The following C17orf113 variants were observed in gnomAD, a reference collection of about 807,000 sequenced individuals.
C17orf113 encodes the protein uncharacterized protein C17orf113.
In C17orf113, 5 loss-of-function variants were observed where a neutral mutation model predicts 11.6. The ratio of observed to expected loss-of-function variants is 0.43; its 90% CI spans 0.23 to 0.91. The LOEUF is 0.91. Among genes scored for constraint, C17orf113 ranks in the 40% least tolerant of loss-of-function variants. The pLI, the probability that C17orf113 is intolerant of heterozygous loss-of-function variation, is 0.26. For missense variants in C17orf113, 714 were observed against 841.3 expected, an observed-to-expected ratio of 0.85 and a Z score of 1.87; for synonymous variants, 327 against 390.6, an observed-to-expected ratio of 0.84 and a Z score of 1.92.
intron 1 of C17orf113, among the ~76,000 whole-genome samples, chr17:42,046,416 G>A (rs2053161959): frequency 1.3e-5 from 2 of 151,610 alleles, no homozygotes; most frequent in Non-Finnish European, 2.9e-5. Context: ...AACATAAGGA[G>A]ACCTTGTCTT....
Position 42,039,453 on chromosome 17 carries a change from G to A in C17orf113, c.*252C>T. The A allele has an allele frequency of 2.7e-6, 1 of 374,588 alleles. No homozygotes were observed. The highest frequency in any genetic ancestry group is 4.7e-6 in the Non-Finnish European group (1 of 211,386). 23.2% of individuals were successfully genotyped at this position (374,588 alleles called of 1,614,324 possible). Reference sequence around the variant, plus strand: ...CCTCATCTAACTGTGTAAAGGCCAGGAATGATTTAGGGTACCCCAGATCCT... The same window carrying A: ...CCTCATCTAACTGTGTAAAGGCCAGAAATGATTTAGGGTACCCCAGATCCT... On this transcript the variant is annotated 3_prime_UTR_variant, in exon 3 of 3. Coordinates refer to ENST00000587304, the MANE Select transcript of C17orf113 (RefSeq NM_001358661.2).
At position 42,040,079 on chromosome 17, in the gene C17orf113, C is replaced by G; in HGVS notation, c.1654G>C (p.Val552Leu). 8.1e-7 allele frequency: 1 copy of G among 1,231,276 alleles called. No individual in the cohort carries two copies. The highest frequency in any genetic ancestry group is 1.0e-6 in the Non-Finnish European group (1 of 987,624). The allele number at this position is 1,231,276 out of a possible 1,614,324, so 76.3% of individuals were successfully genotyped here. A position where few individuals can be genotyped will look rare whatever the true frequency, so the allele number is the denominator to read the frequency against. ...RVLLRGFAPA[V>L]VRQRALGDFA... is the part of the protein sequence containing the mutation. ...TCGCCCAGCGCCCGCTGGCGCACCA[C>G]GGCAGGAGCAAAGCCGCGCAGCAGC... The change falls in exon 3 of 3, where the codon GTG becomes CTG. Residue 552 changes from valine to leucine, a missense_variant. Transcript: ENST00000587304.
intron 1 of C17orf113, among the ~76,000 whole-genome samples, chr17:42,044,202 T>TG (rs1179282060): frequency 6.7e-5 from 9 of 134,560 alleles, no homozygotes; most frequent in East Asian, 2.2e-4. Flanking sequence ...TCCCAGCTAC[T>TG]GGGGAGGTTG....
In C17orf113 at chr17:42,040,088, C is replaced by T; in HGVS notation, c.1645G>A (p.Ala549Thr). Reference sequence around the variant, plus strand: ...GCCCGCTGGCGCACCACGGCAGGAGCAAAGCCGCGCAGCAGCACCCGCAGC... The same window carrying T: ...GCCCGCTGGCGCACCACGGCAGGAGTAAAGCCGCGCAGCAGCACCCGCAGC... ...GALRVLLRGF[A>T]PAVVRQRALG... Residue 549 changes from alanine (A) to threonine (T), a missense_variant, in exon 3 of 3, where the codon GCT becomes ACT. By Grantham distance (58) the Ala-to-Thr change is moderately conservative (BLOSUM62 0). Around this residue, in one of 3 missense-constraint regions of C17orf113, gnomAD observed 194 missense variants for 197.2 expected, o/e 0.98. Transcript: ENST00000587304. 8.1e-7 allele frequency: 1 copy of T among 1,231,306 alleles called. No individual in the cohort carries two copies. Among genetic ancestry groups the T allele is most frequent in the Non-Finnish European group, 1.0e-6 (1 of 987,630 alleles). 76.3% of individuals were successfully genotyped at this position (1,231,306 alleles called of 1,614,324 possible).
chr17:42,040,737 G>C lies in C17orf113; in HGVS notation c.996C>G (p.Val332=). 1 of 1,232,390 alleles carries C rather than the reference G, an allele frequency of 8.1e-7. No individual in the cohort carries two copies. 76.3% of individuals were successfully genotyped at this position (1,232,390 alleles called of 1,614,324 possible). A position where few individuals can be genotyped will look rare whatever the true frequency, so the allele number is the denominator to read the frequency against. The change falls in exon 3 of 3, where the codon GTC becomes GTG. Residue 332 remains valine, a synonymous_variant. Coordinates refer to ENST00000587304, the MANE Select transcript of C17orf113 (RefSeq NM_001358661.2). The part of the protein sequence containing the change: ...RLHGGPSSHL[V]PELRAALDLA... ...GGTCCAGTGCTGCCCGGAGCTCAGG[G>C]ACCAAGTGGGAACTAGGGCCACCAT...
Position 42,041,204 on chromosome 17 carries a change from G to A in C17orf113, c.544-15C>T. ...GCAATGGCCACCTGGGACAGCCAGG[G>A]AAAGAAAGGGAGGGAGGACTGAGTT... On this transcript the variant is annotated splice_polypyrimidine_tract_variant and intron_variant, in intron 2 of 2. Transcript: ENST00000587304. 1 of 1,232,564 alleles carries A rather than the reference G, an allele frequency of 8.1e-7. No individual in the cohort carries two copies. Among genetic ancestry groups the A allele is most frequent in the Non-Finnish European group, 1.0e-6 (1 of 988,244 alleles). The allele number at this position is 1,232,564 out of a possible 1,614,324, so 76.4% of individuals were successfully genotyped here. A position where few individuals can be genotyped will look rare whatever the true frequency, so the allele number is the denominator to read the frequency against.
At position 42,038,589 on chromosome 17, in the gene C17orf113, AC is replaced by A. The variant is rs2052922008; in HGVS notation, c.*1115del. ...GGGTAGGAACTTGGAGAGCAACTGGACTTTGAGGAAGAAAATATCAGAAAAA... is the reference window on the plus strand; with the variant it reads ...GGGTAGGAACTTGGAGAGCAACTGGATTTGAGGAAGAAAATATCAGAAAAA... On this transcript the variant is annotated 3_prime_UTR_variant, in exon 3 of 3. Transcript: ENST00000587304. 3.3e-5 allele frequency: 5 copies of A among 152,540 alleles called. No homozygotes were observed. In the South Asian group the frequency reaches 1.0e-3, roughly 32 times the overall value. 9.4% of individuals were successfully genotyped at this position (152,540 alleles called of 1,614,324 possible).
intron 2 of C17orf113, among the ~76,000 whole-genome samples, chr17:42,041,550 G>A (rs559195517): frequency 6.6e-5 from 10 of 152,230 alleles, no homozygotes; most frequent in South Asian, 2.1e-4. Flanking sequence ...TGTGGTAAAA[G>A]CACTTTATGA....
In C17orf113 at chr17:42,050,425, T is replaced by TG. The variant is rs2053256687; in HGVS notation, c.-188+131dup. On this transcript the variant is annotated intron_variant, in intron 1 of 2. Coordinates refer to ENST00000587304, the MANE Select transcript of C17orf113 (RefSeq NM_001358661.2). This position sits in a 1 kb window ranked among gnomAD's most constrained non-coding sequence, Gnocchi z 5.6. ...ACGGGGAGGGCTGAGGAACTTCCTCTGGGGGGCGCGCGGTGACAGAGCCCT... is the reference window on the plus strand; with the variant it reads ...ACGGGGAGGGCTGAGGAACTTCCTCTGGGGGGGCGCGCGGTGACAGAGCCCT... 3 of 151,956 alleles carry TG rather than the reference T, an allele frequency of 2.0e-5. No individual in the cohort carries two copies. Among genetic ancestry groups the TG allele is most frequent in the African/African-American group, 2.4e-5 (1 of 41,418 alleles). 9.4% of individuals were successfully genotyped at this position (151,956 alleles called of 1,614,324 possible). A position where few individuals can be genotyped will look rare whatever the true frequency, so the allele number is the denominator to read the frequency against.
At chr17:42,047,930 G>C (rs964335589) in intron 1 of C17orf113, among the ~76,000 whole-genome samples, 7 of 152,108 alleles carry the variant, frequency 4.6e-5, no homozygotes, top group Admixed American at 3.9e-4. Context: ...TGGGATTATA[G>C]GTGTGAGCCA....
In C17orf113 at chr17:42,039,347, T is replaced by A. The variant is rs1488102847; in HGVS notation, c.*358A>T. 1 of 227,290 alleles carries A rather than the reference T, an allele frequency of 4.4e-6. No individual in the cohort carries two copies. The highest frequency in any genetic ancestry group is 2.3e-5 in the African/African-American group (1 of 44,232). 14.1% of individuals were successfully genotyped at this position (227,290 alleles called of 1,614,324 possible). A position where few individuals can be genotyped will look rare whatever the true frequency, so the allele number is the denominator to read the frequency against. On this transcript the variant is annotated 3_prime_UTR_variant, in exon 3 of 3. Transcript: ENST00000587304. ...GCCACTCAATTTCCAAGACCTAGTC[T>A]TCCTTCCCCAAGCCAAAAACTCCCA...
In C17orf113 at chr17:42,043,292, C is replaced by T. The variant is rs2053072475; in HGVS notation, c.85G>A (p.Glu29Lys). 3.2e-6 allele frequency: 4 copies of T among 1,232,148 alleles called. No individual in the cohort carries two copies. In the African/African-American group the frequency reaches 4.7e-5, roughly 14 times the overall value. The allele number at this position is 1,232,148 out of a possible 1,614,324, so 76.3% of individuals were successfully genotyped here. Residue 29 changes from glutamate (E) to lysine (K), a missense_variant, in exon 2 of 3, where the codon GAG (glutamate) becomes AAG (lysine). Physicochemically the swap from Glu to Lys is moderately conservative, Grantham distance 56. Around this residue, in one of 3 missense-constraint regions of C17orf113, gnomAD observed 516 missense variants for 626.6 expected, o/e 0.82. Coordinates refer to ENST00000587304, the MANE Select transcript of C17orf113 (RefSeq NM_001358661.2). ...CKRYFNEHWK[E>K]EFTWLDFDYE... ...TCAAAGTCCAGCCAGGTAAACTCCT[C>T]TTTCCAGTGCTCGTTGAAGTAACGC...
chr17:42,048,266 G>C (rs192031151), intron 1 of C17orf113, among the ~76,000 whole-genome samples: 2 of 151,806 alleles, frequency 1.3e-5, no homozygotes, highest in Non-Finnish European at 2.9e-5. Flanking sequence ...GGCTGGATGT[G>C]GTGGCTCACA....
Position 42,040,815 on chromosome 17 carries a change from G to A in C17orf113, c.918C>T (p.Pro306=). The part of the protein sequence containing the change: ...HCLPGRTDPE[P]PAYLGQYESI... ...TCTCATATTGACCCAAGTAGGCCGG[G>A]GGCTCAGGATCTGTCCGGCCAGGGA... is the stretch of plus-strand genomic sequence containing the variant. Residue 306 remains proline, a synonymous_variant, in exon 3 of 3, where the codon CCC becomes CCT. Transcript: ENST00000587304. The A allele has an allele frequency of 8.1e-7, 1 of 1,232,292 alleles. No homozygotes were observed. Among genetic ancestry groups the A allele is most frequent in the African/African-American group, 1.5e-5 (1 of 64,564 alleles). The allele number at this position is 1,232,292 out of a possible 1,614,324, so 76.3% of individuals were successfully genotyped here. A position where few individuals can be genotyped will look rare whatever the true frequency, so the allele number is the denominator to read the frequency against.
intron 1 of C17orf113, among the ~76,000 whole-genome samples, chr17:42,044,699 C>T (rs1222330847): frequency 6.6e-6 from 1 of 152,090 alleles, no homozygotes; most frequent in Non-Finnish European, 1.5e-5. Flanking sequence ...CTCTAAAGCT[C>T]CATTCCTTAT....
chr17:42,041,070 A>C lies in C17orf113; in HGVS notation c.663T>G (p.Phe221Leu). 1.6e-6 allele frequency: 2 copies of C among 1,232,328 alleles called. No homozygotes were observed. The highest frequency in any genetic ancestry group is 3.1e-5 in the African/African-American group (2 of 64,540). The allele number at this position is 1,232,328 out of a possible 1,614,324, so 76.3% of individuals were successfully genotyped here. The change falls in exon 3 of 3, where the codon TTT (phenylalanine) becomes TTG (leucine). Residue 221 changes from phenylalanine to leucine, a missense_variant. By Grantham distance (22) the Phe-to-Leu change is conservative (BLOSUM62 0). Transcript: ENST00000587304. Reference sequence around the variant, plus strand: ...CATCACAGGGGGACACTGAAGTGGCAAACAGGGCCAGGCTGTGTGACTCCG... The same window carrying C: ...CATCACAGGGGGACACTGAAGTGGCCAACAGGGCCAGGCTGTGTGACTCCG... ...DWPESHSLAL[F>L]ATSVSPCDGQ...
chr17:42,040,575 CCCCGCCA>C lies in C17orf113; in HGVS notation c.1151_1157del (p.Val384GlyfsTer47). On this transcript the variant is annotated frameshift_variant, in exon 3 of 3. Transcript: ENST00000587304. LOFTEE classifies it low-confidence loss of function (END_TRUNC). The stretch of plus-strand genomic sequence containing the variant: ...ACTGGCGCAGGGCCAGGGCCAGTGA[CCCCGCCA>C]CAGGTGAGGCAAGGGCTGCAGCCTC... 1 of 1,232,766 alleles carries C rather than the reference CCCCGCCA, an allele frequency of 8.1e-7. No homozygotes were observed. Among genetic ancestry groups the C allele is most frequent in the Non-Finnish European group, 1.0e-6 (1 of 988,488 alleles). 76.4% of individuals were successfully genotyped at this position (1,232,766 alleles called of 1,614,324 possible).
chr17:42,041,123 G>A lies in C17orf113; in HGVS notation c.610C>T (p.Leu204=). The change falls in exon 3 of 3, where the codon CTG becomes TTG. Residue 204 remains leucine, a synonymous_variant. Coordinates refer to ENST00000587304, the MANE Select transcript of C17orf113 (RefSeq NM_001358661.2). The part of the protein sequence containing the change: ...QRLKASPYVG[L]VLDETRDWPE... ...CAGTCTCTGGTCTCGTCCAACACCA[G>A]CCCCACATATGGGGATGCCTTCAGG... 5 of 1,232,292 alleles carry A rather than the reference G, an allele frequency of 4.1e-6. No homozygotes were observed. The highest frequency in any genetic ancestry group is 4.0e-6 in the Non-Finnish European group (4 of 988,040). The allele number at this position is 1,232,292 out of a possible 1,614,324, so 76.3% of individuals were successfully genotyped here. A position where few individuals can be genotyped will look rare whatever the true frequency, so the allele number is the denominator to read the frequency against.
At position 42,041,038 on chromosome 17, in the gene C17orf113, G is replaced by A. The variant is rs2053006756; in HGVS notation, c.695C>T (p.Pro232Leu). 3 of 1,232,344 alleles carry A rather than the reference G, an allele frequency of 2.4e-6. No homozygotes were observed. Among genetic ancestry groups the A allele is most frequent in the South Asian group, 4.1e-5 (1 of 24,322 alleles). The allele number at this position is 1,232,344 out of a possible 1,614,324, so 76.3% of individuals were successfully genotyped here. A position where few individuals can be genotyped will look rare whatever the true frequency, so the allele number is the denominator to read the frequency against. The part of the protein sequence containing the change: ...ATSVSPCDGQ[P>L]ATTFLGSVEL... Reference sequence around the variant, plus strand: ...CACACTGCCCAGGAAGGTGGTGGCGGGCTGGCCATCACAGGGGGACACTGA... The same window carrying A: ...CACACTGCCCAGGAAGGTGGTGGCGAGCTGGCCATCACAGGGGGACACTGA... The change falls in exon 3 of 3, where the codon CCC becomes CTC. Residue 232 changes from proline (P) to leucine (L), a missense_variant. Pro to Leu is a moderately conservative substitution (Grantham distance 98, BLOSUM62 -3). Around this residue, in one of 3 missense-constraint regions of C17orf113, gnomAD observed 516 missense variants for 626.6 expected, o/e 0.82. Coordinates refer to ENST00000587304, the MANE Select transcript of C17orf113 (RefSeq NM_001358661.2).
Sources: gnomAD v4.1 joint callset for allele counts (sites outside exome capture counted in the v4.1 genomes callset) on GRCh38, gnomAD v4.1.1 for gene constraint, gnomAD v4.1.1 regional missense constraint, Gnocchi (gnomAD v3.1) non-coding constraint, MANE v1.5 for transcripts, NCBI Gene and HGNC (gene_info 2026-07-23, HGNC 2026-07-21) for gene names.